The following PKHD1L1 variants were observed in gnomAD, a reference collection of about 807,000 sequenced individuals.
PKHD1L1 encodes the protein fibrocystin-L.
In PKHD1L1, 434 loss-of-function variants were observed where a neutral mutation model predicts 462.9. That is an observed-to-expected ratio of 0.94 (90% confidence interval 0.87 to 1.02). The LOEUF (loss-of-function observed/expected upper bound fraction) is 1.02. Ranked by LOEUF, PKHD1L1 falls within the 50% of genes least tolerant of loss-of-function variation. The pLI is 0.00. For missense variants in PKHD1L1, 5,202 were observed against 5,096.1 expected, an observed-to-expected ratio of 1.02 and a Z score of -0.63; for synonymous variants, 1,781 against 1,750.0, an observed-to-expected ratio of 1.02 and a Z score of -0.44.
Position 109,483,099 on chromosome 8 carries a change from T to A in PKHD1L1, c.9570T>A (p.Asp3190Glu), listed in dbSNP as rs1244296892. Residue 3190 changes from aspartate to glutamate, a missense_variant, in exon 57 of 78, where the codon GAT (aspartate) becomes GAA (glutamate). Asp to Glu is a conservative substitution (Grantham distance 45). Coordinates refer to ENST00000378402, the MANE Select transcript of PKHD1L1 (RefSeq NM_177531.6). ...TCCTGTCTCTGATGGATGCTGTGGA[T>A]TGGCAGGTAGACAAAATAATTATGT... ...SKVLSLMDAVDWQEGEEIVIT... is the reference protein window; with the variant it reads ...SKVLSLMDAVEWQEGEEIVIT... The A allele has an allele frequency of 6.3e-7, 1 of 1,575,980 alleles. No individual in the cohort carries two copies. The highest frequency in any genetic ancestry group is 1.2e-5 in the South Asian group (1 of 86,104).
chr8:109,370,860 A>G (rs1164434486), intron 2 of PKHD1L1, among the ~76,000 whole-genome samples: 1 of 152,182 alleles, frequency 6.6e-6, no homozygotes, highest in Non-Finnish European at 1.5e-5. Flanking sequence ...ATGGCTGCAT[A>G]GTATTCCATG....
Position 109,373,599 on chromosome 8 carries a change from G to T in PKHD1L1, c.164-7771G>T, listed in dbSNP as rs189452666. On this transcript the variant is annotated intron_variant, in intron 2 of 77. Coordinates refer to ENST00000378402, the MANE Select transcript of PKHD1L1 (RefSeq NM_177531.6). ...CTAGTTCTTTTAATTGTAATGTTAG[G>T]GTGTCAATTTTAGATCTTTCCTGCT... Among the ~76,000 whole-genome samples the T allele has an allele frequency of 6.4e-3, 971 of 152,090 alleles. 7 individuals are homozygous for T. The highest frequency in any genetic ancestry group is 0.051 in the Middle Eastern group (15 of 294).
At position 109,454,636 on chromosome 8, in the gene PKHD1L1, A is replaced by C. The variant is rs912082452; in HGVS notation, c.6745-87A>C. 5 of 1,510,060 alleles carry C rather than the reference A, an allele frequency of 3.3e-6. No homozygotes were observed. The African/African-American group carries it at 6.9e-5, about 21-fold the overall frequency. The allele number at this position is 1,510,060 out of a possible 1,614,324, so 93.5% of individuals were successfully genotyped here. A position where few individuals can be genotyped will look rare whatever the true frequency, so the allele number is the denominator to read the frequency against. On this transcript the variant is annotated intron_variant, in intron 44 of 77. Transcript: ENST00000378402. ...GCAATTAATTCTCAAAAGAGAAGAG[A>C]GGATAGAAAAGAACTACTTTTGTGT... is the stretch of plus-strand genomic sequence containing the variant.
chr8:109,403,417 T>C (rs1306778526), intron 14 of PKHD1L1, among the ~76,000 whole-genome samples: 2 of 152,198 alleles, frequency 1.3e-5, no homozygotes, highest in African/African-American at 4.8e-5. Context: ...GCATTTGTTA[T>C]TCATATGGAT....
At position 109,464,228 on chromosome 8, in the gene PKHD1L1, G is replaced by A. The variant is rs1563573590; in HGVS notation, c.7396G>A (p.Gly2466Ser). 2 of 1,596,966 alleles carry A rather than the reference G, an allele frequency of 1.3e-6. No homozygotes were observed. Among genetic ancestry groups the A allele is most frequent in the Non-Finnish European group, 1.7e-6 (2 of 1,167,138 alleles). The change falls in exon 49 of 78, where the codon GGC becomes AGC. Residue 2466 changes from glycine to serine, a missense_variant. Around this residue, in one of 3 missense-constraint regions of PKHD1L1, gnomAD observed 4,497 missense variants for 4,336.8 expected, o/e 1.04. Transcript: ENST00000378402. ...RIEYVEVFHA[G>S]QAFRLGRYPI... is the part of the protein sequence containing the mutation. ...CTGGGCTTAACAGGTATTCCATGCT[G>A]GCCAGGCTTTCCGGTTGGGGCGATA...
At chr8:109,389,912 C>T (rs1812632465) in intron 8 of PKHD1L1, among the ~76,000 whole-genome samples, 1 of 152,046 alleles carries the variant, frequency 6.6e-6, no homozygotes, top group African/African-American at 2.4e-5. Flanking sequence ...AGATAAAATG[C>T]CATGTTCTCA....
intron 67 of PKHD1L1, among the ~76,000 whole-genome samples, chr8:109,503,676 A>G (rs1356027281): frequency 6.6e-6 from 1 of 152,200 alleles, no homozygotes; most frequent in East Asian, 1.9e-4. Context: ...GCCAAGGGAA[A>G]AATAGTGGTT....
chr8:109,517,265 C>A (rs1033576701), intron 72 of PKHD1L1, among the ~76,000 whole-genome samples: 1 of 151,970 alleles, frequency 6.6e-6, no homozygotes, highest in African/African-American at 2.4e-5. Context: ...AAATAATATC[C>A]CTGTGTTATG....
At chr8:109,374,386 A>G (rs60056911) in intron 2 of PKHD1L1, among the ~76,000 whole-genome samples, 1,841 of 152,180 alleles carry the variant, frequency 0.012, 37 homozygotes, top group African/African-American at 0.042. Flanking sequence ...TTTTGAGCCT[A>G]TGTGTGTCTC....
intron 67 of PKHD1L1, 49 bp from the exon 68 acceptor site, chr8:109,504,278 A>T: frequency 8.4e-7 from 1 of 1,186,540 alleles, no homozygotes; most frequent in East Asian, 2.8e-5. Context: ...ATCTGATTTT[A>T]TCACTTTCTT....
chr8:109,442,176 A>C lies in PKHD1L1; in HGVS notation c.4374A>C (p.Gly1458=). Residue 1458 remains glycine (G), a synonymous_variant, in exon 35 of 78, where the codon GGA becomes GGC. Transcript: ENST00000378402. ...VIYDGKGFTS[G]RQKSTSGSFS... is the part of the protein sequence containing the mutation. ...ATGATGGCAAAGGATTCACAAGTGG[A>C]AGACAAAAATCTACATCAGGTATGT... 1 of 1,611,816 alleles carries C rather than the reference A, an allele frequency of 6.2e-7. No homozygotes were observed. Among genetic ancestry groups the C allele is most frequent in the South Asian group, 1.1e-5 (1 of 90,748 alleles).
At chr8:109,438,767 C>A (rs952597533) in intron 31 of PKHD1L1, 130 bp from the exon 32 acceptor site, 15 of 762,530 alleles carry the variant, frequency 2.0e-5, no homozygotes, top group Admixed American at 6.5e-5. Flanking sequence ...TTTCCTTTTG[C>A]CTCTCAAAGT....
At chr8:109,400,532 C>T (rs549805610) in intron 13 of PKHD1L1, among the ~76,000 whole-genome samples, 188 bp downstream of exon 13, 1 of 151,982 alleles carries the variant, frequency 6.6e-6, no homozygotes, top group South Asian at 2.1e-4. Context: ...CTATAGCCTA[C>T]AAGAAAATTT....
intron 67 of PKHD1L1, among the ~76,000 whole-genome samples, chr8:109,499,903 C>T (rs1022924893): frequency 1.3e-5 from 2 of 152,212 alleles, no homozygotes; most frequent in Non-Finnish European, 2.9e-5. Context: ...GTTGATCCCA[C>T]ATCTGGTGAG....
At chr8:109,421,518 C>T (rs1814463334) in intron 23 of PKHD1L1, among the ~76,000 whole-genome samples, 1 of 152,088 alleles carries the variant, frequency 6.6e-6, no homozygotes, top group African/African-American at 2.4e-5. Context: ...CGCGGTGGCT[C>T]ACGCCTATAA....
chr8:109,403,721 T>A (rs780072531), intron 14 of PKHD1L1, among the ~76,000 whole-genome samples: 1 of 152,110 alleles, frequency 6.6e-6, no homozygotes, highest in Admixed American at 6.6e-5. Flanking sequence ...TCTACACATA[T>A]GAAACATGAT....
In PKHD1L1 at chr8:109,445,608, G is replaced by A; in HGVS notation, c.5739G>A (p.Glu1913=). The change falls in exon 38 of 78, where the codon GAG becomes GAA. Residue 1913 remains glutamate, a synonymous_variant. Transcript: ENST00000378402. ...CTTTGCTTTTTACATATGCCCTGGA[G>A]GATACTCCATTTCTCAGAGGAATTA... is the stretch of plus-strand genomic sequence containing the variant. ...YPPLLFTYAL[E]DTPFLRGIIP... 1 of 1,609,776 alleles carries A rather than the reference G, an allele frequency of 6.2e-7. No individual in the cohort carries two copies. Among genetic ancestry groups the A allele is most frequent in the Non-Finnish European group, 8.5e-7 (1 of 1,177,378 alleles).
At position 109,364,653 on chromosome 8, in the gene PKHD1L1, T is replaced by C; in HGVS notation, c.163+17T>C. The C allele has an allele frequency of 6.9e-7, 1 of 1,459,316 alleles. No individual in the cohort carries two copies. The highest frequency in any genetic ancestry group is 9.2e-7 in the Non-Finnish European group (1 of 1,091,902). 90.4% of individuals were successfully genotyped at this position (1,459,316 alleles called of 1,614,324 possible). A position where few individuals can be genotyped will look rare whatever the true frequency, so the allele number is the denominator to read the frequency against. On this transcript the variant is annotated intron_variant, in intron 2 of 77. Coordinates refer to ENST00000378402, the MANE Select transcript of PKHD1L1 (RefSeq NM_177531.6). ...GAGGGGAAGGTATCGTTGCTTTTTTTTTTTTTTTTTTGCCAAGGTTGAGGT... is the reference window on the plus strand; with the variant it reads ...GAGGGGAAGGTATCGTTGCTTTTTTCTTTTTTTTTTTGCCAAGGTTGAGGT...
intron 62 of PKHD1L1, 84 bp from the exon 63 acceptor site, chr8:109,493,577 A>T: frequency 1.4e-6 from 1 of 713,776 alleles, no homozygotes. Flanking sequence ...GGTTTTCATA[A>T]GTGTATTGTC....
Sources: allele counts gnomAD v4.1 joint callset (sites outside exome capture counted in the v4.1 genomes callset), GRCh38; gene constraint gnomAD v4.1.1; regional missense constraint gnomAD v4.1.1; transcripts MANE v1.5; gene names NCBI Gene and HGNC (gene_info 2026-07-23, HGNC 2026-07-21).